Variants in CELF2 observed in about 807,000 individuals in gnomAD.
CELF2 encodes CUGBP Elav-like family member 2, also known as CUG triplet repeat RNA-binding protein 2.
A neutral mutation model predicts 62.6 loss-of-function variants in CELF2; 8 were observed. The ratio of observed to expected loss-of-function variants is 0.13; its 90% CI spans 0.07 to 0.23. The LOEUF is 0.23. Among genes scored for constraint, CELF2 ranks in the 10% least tolerant of loss-of-function variants. CELF2 has a pLI of 1.00. For synonymous variants in CELF2, 258 were observed against 250.0 expected (o/e 1.03, Z -0.30); for missense variants, 333 against 671.0 (o/e 0.50, Z 5.56).
chr10:10,825,233 G>A (rs923357192), intron 1 of CELF2, among the ~76,000 whole-genome samples: 2 of 151,514 alleles, frequency 1.3e-5, no homozygotes, highest in Admixed American at 6.6e-5. Flanking sequence ...TTTTTGAGAC[G>A]GAGTCTCGCT....
At chr10:10,492,943 G>A in the CELF2 span, among the ~76,000 whole-genome samples, 72 of 152,256 alleles carry the variant, frequency 4.7e-4, 1 homozygote, top group Admixed American at 3.3e-3. Flanking sequence ...GCCTGCCACC[G>A]TGTAGTAAGA....
chr10:10,961,572 C>A (rs1363812967), intron 2 of CELF2, among the ~76,000 whole-genome samples: 2 of 149,866 alleles, frequency 1.3e-5, no homozygotes, highest in African/African-American at 4.9e-5. Context: ...CATGGCAAAA[C>A]CCCATCTTTA....
chr10:10,830,679 A>AG (rs2057775193), intron 1 of CELF2, among the ~76,000 whole-genome samples: 1 of 151,896 alleles, frequency 6.6e-6, no homozygotes, highest in African/African-American at 2.4e-5. Context: ...ACAAAACTCA[A>AG]GGGGCTGTAT....
intron 1 of CELF2, among the ~76,000 whole-genome samples, chr10:11,153,157 G>C (rs2063652012): frequency 6.6e-6 from 1 of 152,116 alleles, no homozygotes; most frequent in Non-Finnish European, 1.5e-5. Flanking sequence ...TTTTTTTGCT[G>C]TTGTTCAGGT....
At chr10:11,231,017 G>A (rs2068449569) in intron 3 of CELF2, among the ~76,000 whole-genome samples, 1 of 152,190 alleles carries the variant, frequency 6.6e-6, no homozygotes, top group Admixed American at 6.5e-5. Context: ...CAAAGAAAAT[G>A]TAACTACCAC....
chr10:11,292,908 G>A lies in CELF2; in HGVS notation c.976+4356G>A, dbSNP rs933850073. Among the ~76,000 whole-genome samples the A allele has an allele frequency of 2.0e-5, 3 of 152,268 alleles. No homozygotes were observed. In the South Asian group the frequency reaches 6.2e-4, roughly 32 times the overall value. On this transcript the variant is annotated intron_variant, in intron 9 of 12. Coordinates refer to ENST00000633077, the MANE Select transcript of CELF2 (RefSeq NM_001326342.2). The stretch of plus-strand genomic sequence containing the variant: ...GCATCATTTCCCTCCCAGGCAACAG[G>A]AGCCTGGAAGAGACCCTTGTCTTCT...
rs1483152526 is a variant in CELF2 at position 11,156,919 on chromosome 10, G to A, written c.75-8567G>A. On this transcript the variant is annotated intron_variant, in intron 1 of 12. Coordinates refer to ENST00000633077, the MANE Select transcript of CELF2 (RefSeq NM_001326342.2). The surrounding 1 kb of genome is among the most constrained non-coding windows in gnomAD (Gnocchi z 4.3). ...ATTGGAGGAAAAGAAGACCGGAAGA[G>A]ATGAACTTTAGGTGTGCTGAATTTG... Among the ~76,000 whole-genome samples the A allele has an allele frequency of 6.6e-6, 1 of 152,236 alleles. No homozygotes were observed. The highest frequency in any genetic ancestry group is 1.9e-4 in the East Asian group (1 of 5,208).
rs532068083 is a variant in CELF2 at position 11,217,752 on chromosome 10, C to G, written c.354+245C>G. ...CCCTGGTTAGAAAATCAGAGTGACC[C>G]CACTGGGCAGCCACGGCTGCCAAAG... On this transcript the variant is annotated intron_variant, in intron 3 of 12. Transcript: ENST00000633077. This position sits in a 1 kb window ranked among gnomAD's most constrained non-coding sequence, Gnocchi z 5.6. 1.8e-3 allele frequency among the ~76,000 whole-genome samples: 268 copies of G among 152,248 alleles called. No homozygotes were observed. Among genetic ancestry groups the G allele is most frequent in the African/African-American group, 6.2e-3 (256 of 41,534 alleles).
At chr10:11,160,652 A>AG (rs1221988327) in intron 1 of CELF2, among the ~76,000 whole-genome samples, 4 of 150,708 alleles carry the variant, frequency 2.7e-5, no homozygotes, top group Non-Finnish European at 6.0e-5. Flanking sequence ...GATCAAAAAA[A>AG]AAAAAAAAAA....
Position 11,028,653 on chromosome 10 carries a change from T to C in CELF2, c.74+10490T>C, listed in dbSNP as rs189894087. 8.1e-4 allele frequency among the ~76,000 whole-genome samples: 122 copies of C among 150,890 alleles called. 1 individual carries two copies. Among genetic ancestry groups the C allele is most frequent in the Admixed American group, 1.4e-3 (21 of 15,146 alleles). The stretch of plus-strand genomic sequence containing the variant: ...CCAGGCTGGTCTCAAACTCCTGACC[T>C]CATGATCCACCTGCCTTGGCTTCCC... On this transcript the variant is annotated intron_variant, in intron 1 of 12. Transcript: ENST00000633077.
the CELF2 span, among the ~76,000 whole-genome samples, chr10:10,468,494 C>T: frequency 6.6e-6 from 1 of 152,014 alleles, no homozygotes; most frequent in African/African-American, 2.4e-5. Context: ...CTATTGAAAG[C>T]ACTGCTGTTG....
chr10:11,249,796 A>G (rs1433478159), intron 4 of CELF2, among the ~76,000 whole-genome samples: 2 of 152,222 alleles, frequency 1.3e-5, no homozygotes, highest in African/African-American at 2.4e-5. Context: ...GGTTTTGCCT[A>G]TTCGAGACAT....
rs1051651039 is a variant in CELF2, at chr10:11,017,998, C to T, written c.-92C>T. 17 of 1,002,908 alleles carry T rather than the reference C, an allele frequency of 1.7e-5. No homozygotes were observed. In the East Asian group the frequency reaches 4.2e-4, roughly 25 times the overall value. The allele number at this position is 1,002,908 out of a possible 1,614,324, so 62.1% of individuals were successfully genotyped here. On this transcript the variant is annotated 5_prime_UTR_variant, in exon 1 of 13. Coordinates refer to ENST00000633077, the MANE Select transcript of CELF2 (RefSeq NM_001326342.2). This position sits in a 1 kb window ranked among gnomAD's most constrained non-coding sequence, Gnocchi z 5.5. ...TCGGCGGCCGCCGGGGGAGGCCGCGCGCACCTGTCCCTGCCCGTCTCGCGC... is the reference window on the plus strand; with the variant it reads ...TCGGCGGCCGCCGGGGGAGGCCGCGTGCACCTGTCCCTGCCCGTCTCGCGC...
intron 2 of CELF2, among the ~76,000 whole-genome samples, chr10:11,205,310 A>G (rs373406386): frequency 2.0e-5 from 3 of 152,284 alleles, no homozygotes; most frequent in East Asian, 3.9e-4. Context: ...TCCGTATTGC[A>G]TTTGTTATAA....
At chr10:10,838,724 G>GT (rs2058471900) in intron 1 of CELF2, among the ~76,000 whole-genome samples, 1 of 152,030 alleles carries the variant, frequency 6.6e-6, no homozygotes. Context: ...TCTCATGTGG[G>GT]TTTTGTTTTG....
chr10:11,111,221 G>C (rs2055076039), intron 1 of CELF2, among the ~76,000 whole-genome samples: 1 of 152,144 alleles, frequency 6.6e-6, no homozygotes, highest in Admixed American at 6.5e-5. Flanking sequence ...CCACTGCCTG[G>C]TTTTACTTAC....
At chr10:10,899,182 A>C (rs1191788720) in intron 1 of CELF2, among the ~76,000 whole-genome samples, 2 of 152,224 alleles carry the variant, frequency 1.3e-5, no homozygotes, top group Non-Finnish European at 2.9e-5. Flanking sequence ...CTACAAAAAG[A>C]AGAGCTAATT....
At chr10:10,979,748 G>A (rs528269261) in intron 2 of CELF2, among the ~76,000 whole-genome samples, 12 of 151,164 alleles carry the variant, frequency 7.9e-5, no homozygotes, top group African/African-American at 2.4e-4. Flanking sequence ...TCTAAGGAGC[G>A]AATCAAAGTT....
Position 11,246,045 on chromosome 10 carries a change from T to C in CELF2, c.355-3108T>C, listed in dbSNP as rs1360364323. 6.6e-6 allele frequency among the ~76,000 whole-genome samples: 1 copy of C among 152,198 alleles called. No individual in the cohort carries two copies. Among genetic ancestry groups the C allele is most frequent in the African/African-American group, 2.4e-5 (1 of 41,442 alleles). ...CTGACTGCGTGATTTCCAGGGTCCT[T>C]TACAGCTTTAGAGTATAGGGGCTCT... On this transcript the variant is annotated intron_variant, in intron 3 of 12. Coordinates refer to ENST00000633077, the MANE Select transcript of CELF2 (RefSeq NM_001326342.2). This position sits in a 1 kb window ranked among gnomAD's most constrained non-coding sequence, Gnocchi z 4.6.
Sources: allele counts gnomAD v4.1 joint callset (sites outside exome capture counted in the v4.1 genomes callset), GRCh38; gene constraint gnomAD v4.1.1; non-coding constraint Gnocchi (gnomAD v3.1); transcripts MANE v1.5; gene names NCBI Gene and HGNC (gene_info 2026-07-23, HGNC 2026-07-21).